Variants in DSN1 observed in about 807,000 individuals in gnomAD.
The protein encoded by DSN1 is kinetochore-associated protein DSN1 homolog.
Under a neutral mutation model 45.7 loss-of-function variants are expected in DSN1, and 31 were observed. The observed-to-expected ratio is 0.68, with a 90% CI of 0.51 to 0.92. The LOEUF (loss-of-function observed/expected upper bound fraction) is 0.92, where lower values mean the gene tolerates loss of function less well. Among genes scored for constraint, DSN1 ranks in the 40% least tolerant of loss-of-function variants. DSN1 has a pLI of 0.00. For missense variants in DSN1, 394 were observed against 414.2 expected (o/e 0.95, Z 0.42); for synonymous variants, 134 against 142.3 (o/e 0.94, Z 0.41).
At chr20:36,756,900 A>G (rs1046481365) in intron 8 of DSN1, among the ~76,000 whole-genome samples, 2 of 152,180 alleles carry the variant, frequency 1.3e-5, no homozygotes, top group Admixed American at 1.3e-4. Context: ...CATTACCTGG[A>G]TTGGGGAAAT....
At chr20:36,762,335 C>G (rs952105374) in intron 6 of DSN1, 126 bp downstream of exon 6, 1 of 663,390 alleles carries the variant, frequency 1.5e-6, no homozygotes, top group Admixed American at 3.2e-5. Context: ...TGGCCTTGAT[C>G]TCCTGACCTC....
chr20:36,762,273 AT>A, intron 6 of DSN1, among the ~76,000 whole-genome samples, 187 bp downstream of exon 6: 1 of 151,486 alleles, frequency 6.6e-6, no homozygotes, highest in Middle Eastern at 3.4e-3. Context: ...CGCCTGGCTA[AT>A]TTTTTATTTT....
intron 1 of DSN1, 36 bp from the exon 2 acceptor site, chr20:36,771,509 C>T (rs758649601): frequency 1.4e-5 from 23 of 1,599,552 alleles, no homozygotes; most frequent in Admixed American, 1.2e-4. Context: ...CTGTTCTTCA[C>T]GTTTCACTGC....
chr20:36,759,644 C>T (rs1243466769), intron 6 of DSN1, among the ~76,000 whole-genome samples: 2 of 151,702 alleles, frequency 1.3e-5, no homozygotes, highest in African/African-American at 2.4e-5. Flanking sequence ...CCACCACACC[C>T]GGCTGATTTT....
chr20:36,772,855 T>C (rs1450538451), intron 1 of DSN1, among the ~76,000 whole-genome samples: 1 of 152,268 alleles, frequency 6.6e-6, no homozygotes, highest in East Asian at 1.9e-4. Context: ...CTATAAAATC[T>C]GTTTACATGT....
At chr20:36,753,444 C>G (rs1986485352) in intron 10 of DSN1, among the ~76,000 whole-genome samples, 1 of 151,392 alleles carries the variant, frequency 6.6e-6, no homozygotes. Flanking sequence ...TCAAGACCAG[C>G]CTGACCAACA....
chr20:36,762,069 CAACT>C (rs1387780551), intron 6 of DSN1, among the ~76,000 whole-genome samples: 1 of 145,538 alleles, frequency 6.9e-6, no homozygotes, highest in Non-Finnish European at 1.5e-5. Context: ...GGTGAATGAA[CAACT>C]ATCTAATTAC....
At chr20:36,758,324 T>C (rs1418580026) in intron 7 of DSN1, among the ~76,000 whole-genome samples, 163 bp from the exon 8 acceptor site, 2 of 152,256 alleles carry the variant, frequency 1.3e-5, no homozygotes, top group East Asian at 3.8e-4. Context: ...TATTTAATCA[T>C]ATCAAACCTG....
intron 1 of DSN1, 113 bp downstream of exon 1, chr20:36,773,549 C>G: frequency 1.0e-6 from 1 of 985,862 alleles, no homozygotes; most frequent in Non-Finnish European, 1.2e-6. Flanking sequence ...TGCGGCGGGT[C>G]GAGCTGGGCC....
chr20:36,758,710 G>C, intron 6 of DSN1, 93 bp from the exon 7 acceptor site: 1 of 1,265,170 alleles, frequency 7.9e-7, no homozygotes, highest in African/African-American at 1.5e-5. Context: ...TATTTCAGAC[G>C]GAGTTTCCCT....
At position 36,768,142 on chromosome 20, in the gene DSN1, G is replaced by A. The variant is rs1205541891; in HGVS notation, c.356-100C>T. ...CTCCCTCTTGATAAATCCAACTTAA[G>A]GCAAGAACAGCCTTCTTTAGTTAAA... On this transcript the variant is annotated intron_variant, in intron 3 of 10. Coordinates refer to ENST00000373750, the MANE Select transcript of DSN1 (RefSeq NM_001145315.2). 4.6e-6 allele frequency: 5 copies of A among 1,085,226 alleles called. No homozygotes were observed. The Admixed American group carries it at 8.4e-5, about 18-fold the overall frequency. 67.2% of individuals were successfully genotyped at this position (1,085,226 alleles called of 1,614,324 possible).
At position 36,751,870 on chromosome 20, in the gene DSN1, GTACT is replaced by G. The variant is rs2148251199; in HGVS notation, c.*914_*917del. ...TAAACAAATAGAACAATGAATAGTA[GTACT>G]TACTCCTTTCTTGTCATGAATCCAG... On this transcript the variant is annotated 3_prime_UTR_variant, in exon 11 of 11. Transcript: ENST00000373750. 6.6e-6 allele frequency: 1 copy of G among 151,966 alleles called. No individual in the cohort carries two copies. The highest frequency in any genetic ancestry group is 6.5e-5 in the Admixed American group (1 of 15,278). 9.4% of individuals were successfully genotyped at this position (151,966 alleles called of 1,614,324 possible). A position where few individuals can be genotyped will look rare whatever the true frequency, so the allele number is the denominator to read the frequency against.
intron 5 of DSN1, among the ~76,000 whole-genome samples, chr20:36,764,834 C>T (rs184241785): frequency 3.7e-4 from 56 of 151,698 alleles, no homozygotes; most frequent in Non-Finnish European, 6.9e-4. Context: ...GCAGAAGACT[C>T]GCTTGAACCC....
At chr20:36,762,267 T>C (rs1987034973) in intron 6 of DSN1, among the ~76,000 whole-genome samples, 194 bp downstream of exon 6, 1 of 151,532 alleles carries the variant, frequency 6.6e-6, no homozygotes, top group Non-Finnish European at 1.5e-5. Context: ...CCACCACGCC[T>C]GGCTAATTTT....
chr20:36,758,213 A>G, intron 7 of DSN1, 52 bp from the exon 8 acceptor site: 1 of 1,504,158 alleles, frequency 6.6e-7, no homozygotes, highest in Non-Finnish European at 9.2e-7. Context: ...CTTATTCTGA[A>G]TCACTCACAG....
intron 1 of DSN1, among the ~76,000 whole-genome samples, chr20:36,772,471 T>C (rs1445371268): frequency 6.6e-6 from 1 of 151,994 alleles, no homozygotes; most frequent in Admixed American, 6.6e-5. Flanking sequence ...GTATTTTTAG[T>C]AGCGATGGGG....
intron 6 of DSN1, 25 bp downstream of exon 6, chr20:36,762,436 A>G: frequency 6.2e-7 from 1 of 1,603,980 alleles, no homozygotes; most frequent in Non-Finnish European, 8.5e-7. Context: ...ATCATAATTT[A>G]GGACAGAAGG....
At chr20:36,754,719 T>G in intron 10 of DSN1, 44 bp downstream of exon 10, 1 of 1,564,782 alleles carries the variant, frequency 6.4e-7, no homozygotes, top group Non-Finnish European at 8.8e-7. Context: ...AAGGCTATCA[T>G]GGAAAACAGC....
At position 36,771,169 on chromosome 20, in the gene DSN1, G is replaced by A. The variant is rs1987629130; in HGVS notation, c.59C>T (p.Thr20Ile). 1.9e-6 allele frequency: 3 copies of A among 1,607,488 alleles called. No homozygotes were observed. The highest frequency in any genetic ancestry group is 2.6e-6 in the Non-Finnish European group (3 of 1,175,924). Residue 20 changes from threonine to isoleucine, a missense_variant, in exon 3 of 11, where the codon ACT (threonine) becomes ATT (isoleucine). By Grantham distance (89) the Thr-to-Ile change is moderately conservative. Transcript: ENST00000373750. ...ACTTGATTCCAATTGATGATCATGA[G>A]TCTTAGACATCACTGGTCCTTTTTC... The part of the protein sequence containing the change: ...IDEKGPVMSK[T>I]HDHQLESSLS...
Sources: allele counts gnomAD v4.1 joint callset (sites outside exome capture counted in the v4.1 genomes callset), GRCh38; gene constraint gnomAD v4.1.1; transcripts MANE v1.5; gene names NCBI Gene and HGNC (gene_info 2026-07-23, HGNC 2026-07-21).